ZNF235: variants seen among roughly 807,000 people sequenced by gnomAD.
ZNF235 encodes the protein zinc finger protein 235.
In ZNF235, 25 loss-of-function variants were observed where a neutral mutation model predicts 29.4. The observed-to-expected ratio is 0.85, with a 90% confidence interval of 0.62 to 1.19. The LOEUF is 1.19. Ranked by LOEUF, ZNF235 falls within the 50% of genes most tolerant of loss-of-function variation. The pLI, the probability that ZNF235 is intolerant of heterozygous loss-of-function variation, is 0.00. For missense variants in ZNF235, 788 were observed against 885.0 expected, an observed-to-expected ratio of 0.89 and a Z score of 1.39; for synonymous variants, 300 against 295.3, an observed-to-expected ratio of 1.02 and a Z score of -0.16.
At position 44,287,819 on chromosome 19, in the gene ZNF235, C is replaced by T; in HGVS notation, c.1616G>A (p.Gly539Glu). Residue 539 changes from glycine to glutamate, a missense_variant, in exon 5 of 5, where the codon GGA (glycine) becomes GAA (glutamate). Gly to Glu is a moderately conservative substitution (Grantham distance 98). Coordinates refer to ENST00000291182, the MANE Select transcript of ZNF235 (RefSeq NM_004234.4). ...YFQAHQRVHT[G>E]EKPYKCEVCG... ...CACTTCACATTTGTATGGTTTTTCT[C>T]CAGTGTGGACTCTCTGATGTGCTTG... 6.2e-7 allele frequency: 1 copy of T among 1,613,864 alleles called. No individual in the cohort carries two copies. Among genetic ancestry groups the T allele is most frequent in the Non-Finnish European group, 8.5e-7 (1 of 1,179,980 alleles).
In ZNF235 at chr19:44,299,684, G is replaced by A. The variant is rs369843616; in HGVS notation, c.64C>T (p.Leu22=). ...DVAVAFTEEE[L]GLLDSAQRKL... ...CTCTGGGCAGAGTCCAGCAGCCCCA[G>A]CTCCTCCTCAGTGAAGGCCACAGCC... The change falls in exon 3 of 5, where the codon CTG becomes TTG. Residue 22 remains leucine, a synonymous_variant. Transcript: ENST00000291182. 73 of 1,614,014 alleles carry A rather than the reference G, an allele frequency of 4.5e-5. No homozygotes were observed. The African/African-American group carries it at 7.1e-4, about 16-fold the overall frequency.
intron 4 of ZNF235, chr19:44,290,843 C>T (rs546030532): frequency 2.6e-5 from 4 of 153,094 alleles, no homozygotes; most frequent in African/African-American, 4.8e-5. Context: ...CACTGACCGT[C>T]GCTTCTGACT....
At chr19:44,294,001 C>T (rs967622752) in intron 4 of ZNF235, among the ~76,000 whole-genome samples, 20 of 148,744 alleles carry the variant, frequency 1.3e-4, no homozygotes, top group Admixed American at 1.3e-4. Flanking sequence ...CCTCCAGGAA[C>T]TAGAAAAACA....
In ZNF235 at chr19:44,287,741, T is replaced by C. The variant is rs1254821910; in HGVS notation, c.1694A>G (p.His565Arg). The C allele has an allele frequency of 6.2e-7, 1 of 1,614,012 alleles. No homozygotes were observed. The highest frequency in any genetic ancestry group is 1.3e-5 in the African/African-American group (1 of 74,928). Residue 565 changes from histidine (H) to arginine (R), a missense_variant, in exon 5 of 5, where the codon CAC becomes CGC. His to Arg is a conservative substitution (Grantham distance 29). Coordinates refer to ENST00000291182, the MANE Select transcript of ZNF235 (RefSeq NM_004234.4). ...SLNLHNHQRV[H>R]TGEKPYKCEE... ...ACATTTGTAGGGTTTCTCTCCGGTG[T>C]GGACTCTCTGATGATTGTGAAGATT... is the stretch of plus-strand genomic sequence containing the variant.
At chr19:44,297,885 G>C (rs1447356932) in intron 4 of ZNF235, among the ~76,000 whole-genome samples, 1 of 152,150 alleles carries the variant, frequency 6.6e-6, no homozygotes, top group Non-Finnish European at 1.5e-5. Flanking sequence ...TGGGGAGGCT[G>C]AGGTGGGCAG....
At chr19:44,293,056 A>G (rs1975606195) in intron 4 of ZNF235, among the ~76,000 whole-genome samples, 5 of 152,154 alleles carry the variant, frequency 3.3e-5, no homozygotes, top group Admixed American at 3.3e-4. Context: ...CCAGGTCTAC[A>G]GGGAATGCTC....
At chr19:44,298,427 C>G (rs955929964) in intron 4 of ZNF235, among the ~76,000 whole-genome samples, 1 of 151,264 alleles carries the variant, frequency 6.6e-6, no homozygotes. Flanking sequence ...GACAGAGTCT[C>G]GCTCTATCAC....
At chr19:44,289,263 G>C in intron 4 of ZNF235, 67 bp from the exon 5 acceptor site, 2 of 1,379,364 alleles carry the variant, frequency 1.4e-6, no homozygotes, top group Non-Finnish European at 1.9e-6. Flanking sequence ...AGAGAATTAA[G>C]ATCTAAGCTC....
rs536068528 is a variant in ZNF235, at chr19:44,302,590, T to A, written c.15+800A>T. ...GCCTGGGAAACACAGGAACACCCCA[T>A]CTCTACTAAAAATAATTAGCTGGTT... On this transcript the variant is annotated intron_variant, in intron 2 of 4. Coordinates refer to ENST00000291182, the MANE Select transcript of ZNF235 (RefSeq NM_004234.4). Among the ~76,000 whole-genome samples the A allele has an allele frequency of 9.9e-5, 15 of 151,442 alleles. 1 individual carries two copies. The highest frequency in any genetic ancestry group is 3.6e-4 in the African/African-American group (15 of 41,316).
chr19:44,298,704 T>C (rs985209020), intron 4 of ZNF235, 104 bp downstream of exon 4: 34 of 875,610 alleles, frequency 3.9e-5, no homozygotes, highest in South Asian at 1.0e-4. Flanking sequence ...CCATGACAGA[T>C]GTTTTTTAAA....
Position 44,298,833 on chromosome 19 carries a change from A to G in ZNF235, c.213T>C (p.Leu71=). 6.2e-7 allele frequency: 1 copy of G among 1,613,962 alleles called. No individual in the cohort carries two copies. The highest frequency in any genetic ancestry group is 8.5e-7 in the Non-Finnish European group (1 of 1,179,834). ...CTGAATGCTTACCTCTTTGGGTTTG[A>G]AGCTCCTTCATCCAAAGCTTTTCTT... ...EREEKLWMKE[L]QTQRGKHSGD... is the part of the protein sequence containing the mutation. Residue 71 remains leucine, a synonymous_variant, in exon 4 of 5, where the codon CTT becomes CTC. Coordinates refer to ENST00000291182, the MANE Select transcript of ZNF235 (RefSeq NM_004234.4).
intron 1 of ZNF235, among the ~76,000 whole-genome samples, 155 bp from the exon 2 acceptor site, chr19:44,303,607 C>G (rs941874572): frequency 5.3e-5 from 8 of 152,192 alleles, no homozygotes; most frequent in Non-Finnish European, 8.8e-5. Context: ...CCCAGCTACC[C>G]CTCGGCCCCC....
chr19:44,298,669 T>C (rs1032886567), intron 4 of ZNF235, 139 bp downstream of exon 4: 4 of 626,218 alleles, frequency 6.4e-6, no homozygotes, highest in Non-Finnish European at 1.1e-5. Context: ...GTGCTGGGAT[T>C]AGAGGCTTGA....
chr19:44,299,646 T>G lies in ZNF235; in HGVS notation c.102A>C (p.Arg34=). 1 of 1,614,136 alleles carries G rather than the reference T, an allele frequency of 6.2e-7. No homozygotes were observed. Among genetic ancestry groups the G allele is most frequent in the Non-Finnish European group, 8.5e-7 (1 of 1,180,024 alleles). ...TCCTAAAGTTCTCCAGCATCACATC[T>G]CGGTACAGCTTCCTCTGGGCAGAGT... ...LLDSAQRKLY[R]DVMLENFRNL... The change falls in exon 3 of 5, where the codon CGA becomes CGC. Residue 34 remains arginine (R), a synonymous_variant. Transcript: ENST00000291182.
chr19:44,297,588 C>T lies in ZNF235; in HGVS notation c.238+1220G>A, dbSNP rs557854720. ...AAGCGATTCTCCTGCCTCAGCCTCCCGAGTAGCTGGGATTACAGGCATGTG... is the reference window on the plus strand; with the variant it reads ...AAGCGATTCTCCTGCCTCAGCCTCCTGAGTAGCTGGGATTACAGGCATGTG... On this transcript the variant is annotated intron_variant, in intron 4 of 4. Coordinates refer to ENST00000291182, the MANE Select transcript of ZNF235 (RefSeq NM_004234.4). Among the ~76,000 whole-genome samples the T allele has an allele frequency of 1.6e-3, 245 of 152,138 alleles. 1 individual carries two copies. Among genetic ancestry groups the T allele is most frequent in the Middle Eastern group, 0.014 (4 of 294 alleles).
chr19:44,296,093 A>G (rs1302520148), intron 4 of ZNF235, among the ~76,000 whole-genome samples: 1 of 152,226 alleles, frequency 6.6e-6, no homozygotes, highest in Non-Finnish European at 1.5e-5. Flanking sequence ...GGATTATAAC[A>G]CGAAGTATAA....
rs576582973 is a variant in ZNF235 at position 44,288,226 on chromosome 19, A to G, written c.1209T>C (p.Tyr403=). 11 of 1,614,052 alleles carry G rather than the reference A, an allele frequency of 6.8e-6. No individual in the cohort carries two copies. In the African/African-American group the frequency reaches 1.1e-4, roughly 16 times the overall value. ...HCRVHTGEKP[Y]KCEVCGKGFT... ...AGCCCTTCCCACACACCTCACATTTATAAGGTTTCTCTCCAGTGTGAACTC... is the reference window on the plus strand; with the variant it reads ...AGCCCTTCCCACACACCTCACATTTGTAAGGTTTCTCTCCAGTGTGAACTC... Residue 403 remains tyrosine, a synonymous_variant, in exon 5 of 5, where the codon TAT becomes TAC. Transcript: ENST00000291182.
chr19:44,303,013 T>C (rs990936357), intron 2 of ZNF235, among the ~76,000 whole-genome samples: 92 of 137,532 alleles, frequency 6.7e-4, no homozygotes, highest in African/African-American at 2.4e-3. Flanking sequence ...TATACGTATA[T>C]ATTTATATAA....
Position 44,287,752 on chromosome 19 carries a change from A to C in ZNF235, c.1683T>G (p.His561Gln). The change falls in exon 5 of 5, where the codon CAT (histidine) becomes CAG (glutamine). Residue 561 changes from histidine to glutamine, a missense_variant. His to Gln is a conservative substitution (Grantham distance 24). Transcript: ENST00000291182. Reference sequence around the variant, plus strand: ...GTTTCTCTCCGGTGTGGACTCTCTGATGATTGTGAAGATTCAAGCTCCAAT... The same window carrying C: ...GTTTCTCTCCGGTGTGGACTCTCTGCTGATTGTGAAGATTCAAGCTCCAAT... Reference protein sequence around the residue: ...RFNWSLNLHNHQRVHTGEKPY... With the variant: ...RFNWSLNLHNQQRVHTGEKPY... 6.2e-7 allele frequency: 1 copy of C among 1,614,046 alleles called. No individual in the cohort carries two copies. The highest frequency in any genetic ancestry group is 8.5e-7 in the Non-Finnish European group (1 of 1,179,986).
Sources: gnomAD v4.1 joint callset for allele counts (sites outside exome capture counted in the v4.1 genomes callset) on GRCh38, gnomAD v4.1.1 for gene constraint, MANE v1.5 for transcripts, NCBI Gene and HGNC (gene_info 2026-07-23, HGNC 2026-07-21) for gene names.